STK3: variants seen among roughly 807,000 people sequenced by gnomAD.
The protein encoded by STK3 is serine/threonine kinase 3.
STK3 carries 41 observed loss-of-function variants against 58.0 expected under a neutral mutation model. The observed-to-expected ratio is 0.71, with a 90% confidence interval of 0.55 to 0.92. The LOEUF is 0.92. Ranked by LOEUF, STK3 falls within the 40% of genes least tolerant of loss-of-function variation. The pLI is 0.00. For synonymous variants in STK3, 170 were observed against 191.0 expected, an observed-to-expected ratio of 0.89 and a Z score of 0.91; for missense variants, 479 against 602.7, an observed-to-expected ratio of 0.79 and a Z score of 2.15.
chr8:98,544,380 T>C (rs1343518758), intron 9 of STK3, among the ~76,000 whole-genome samples: 2 of 152,188 alleles, frequency 1.3e-5, no homozygotes, highest in Non-Finnish European at 2.9e-5. Flanking sequence ...TTTAATAAGT[T>C]AATAATATAT....
chr8:98,350,876 A>G, the STK3 span, among the ~76,000 whole-genome samples: 1 of 152,234 alleles, frequency 6.6e-6, no homozygotes. Context: ...GGGTGGGTAC[A>G]CAGCACAACT....
chr8:98,404,756 T>C (rs1817977426), intron 3 of STK3, among the ~76,000 whole-genome samples: 1 of 149,576 alleles, frequency 6.7e-6, no homozygotes, highest in Non-Finnish European at 1.5e-5. Context: ...AAGGCTGAGG[T>C]GGCAGGATTG....
intron 8 of STK3, 116 bp from the exon 9 acceptor site, chr8:98,548,277 A>G (rs1315049951): frequency 9.6e-6 from 7 of 728,408 alleles, no homozygotes; most frequent in Non-Finnish European, 1.3e-5. Context: ...TACTATTAGT[A>G]CTGATTTTAA....
chr8:98,637,695 T>C (rs1347315674), intron 6 of STK3, among the ~76,000 whole-genome samples: 1 of 152,176 alleles, frequency 6.6e-6, no homozygotes, highest in East Asian at 1.9e-4. Flanking sequence ...GCACAATGTC[T>C]AAAAAAGTAT....
At chr8:98,487,320 T>C (rs553574202) in intron 10 of STK3, among the ~76,000 whole-genome samples, 7 of 152,346 alleles carry the variant, frequency 4.6e-5, no homozygotes, top group African/African-American at 1.4e-4. Context: ...TATGTTGTGT[T>C]ACTCATGCAA....
chr8:98,832,268 A>G (rs1835562860), intron 3 of STK3, among the ~76,000 whole-genome samples: 3 of 148,368 alleles, frequency 2.0e-5, no homozygotes, highest in Non-Finnish European at 4.5e-5. Context: ...ATATATATAT[A>G]TATAGATATC....
chr8:98,368,735 GTGATGGTGCCATCACATC>G (rs1352659689), downstream of STK3, among the ~76,000 whole-genome samples: 18 of 152,206 alleles, frequency 1.2e-4, no homozygotes, highest in African/African-American at 3.1e-4. Context: ...CAGATGAACT[GTGATGGTGCCATCACATC>G]TGATGGTGCC....
At chr8:98,549,005 A>G (rs1268194117) in intron 8 of STK3, among the ~76,000 whole-genome samples, 1 of 152,040 alleles carries the variant, frequency 6.6e-6, no homozygotes, top group East Asian at 1.9e-4. Context: ...TTCCCTATTT[A>G]TCTGTTGATG....
chr8:98,866,048 T>C (rs1005188017), intron 3 of STK3, among the ~76,000 whole-genome samples: 1 of 151,902 alleles, frequency 6.6e-6, no homozygotes, highest in African/African-American at 2.4e-5. Context: ...CTGTGGCTGC[T>C]GCTTTCTTCC....
At chr8:98,401,666 G>A (rs750877387) in intron 3 of STK3, among the ~76,000 whole-genome samples, 2 of 152,216 alleles carry the variant, frequency 1.3e-5, no homozygotes, top group Non-Finnish European at 2.9e-5. Flanking sequence ...AGTAGACCAC[G>A]TGGGAGATTT....
chr8:98,628,752 T>C (rs1435999278), intron 6 of STK3, among the ~76,000 whole-genome samples: 1 of 141,404 alleles, frequency 7.1e-6, no homozygotes, highest in Non-Finnish European at 1.5e-5. Flanking sequence ...CAGTGAGCTA[T>C]GATCACACCA....
intron 6 of STK3, among the ~76,000 whole-genome samples, chr8:98,614,500 G>A (rs190900550): frequency 2.4e-4 from 36 of 152,308 alleles, no homozygotes; most frequent in African/African-American, 8.4e-4. Context: ...AGCTCCCAGC[G>A]AGAGCGATGC....
At chr8:98,484,503 G>A (rs190774833) in intron 10 of STK3, among the ~76,000 whole-genome samples, 103 of 152,202 alleles carry the variant, frequency 6.8e-4, no homozygotes, top group Non-Finnish European at 7.6e-4. Context: ...TGAAGGGAGC[G>A]AAGAGTCCAC....
chr8:98,367,382 C>T (rs1355785095), downstream of STK3, among the ~76,000 whole-genome samples: 2 of 152,158 alleles, frequency 1.3e-5, no homozygotes, highest in African/African-American at 4.8e-5. Context: ...ATCTTTGGAT[C>T]GCTCCCCCTT....
intron 1 of STK3, among the ~76,000 whole-genome samples, chr8:98,940,893 G>A (rs1413286652): frequency 6.6e-6 from 1 of 152,260 alleles, no homozygotes; most frequent in African/African-American, 2.4e-5. Context: ...CAAAGGACCC[G>A]ACGGTGGGTG....
chr8:98,777,402 C>A (rs1188130404), intron 1 of STK3, among the ~76,000 whole-genome samples: 1 of 151,802 alleles, frequency 6.6e-6, no homozygotes, highest in East Asian at 2.0e-4. Flanking sequence ...ATGGCACATG[C>A]CTGTGGTCCC....
chr8:98,754,490 A>G lies in STK3; in HGVS notation c.237-5100T>C, dbSNP rs531493511. ...GAATAGACTGTATATCCTTCAGGGG[A>G]AAAAAAAAAAACTCTCTCTCTCTCT... On this transcript the variant is annotated intron_variant, in intron 3 of 10. Transcript: ENST00000419617. 9.2e-3 allele frequency among the ~76,000 whole-genome samples: 1,324 copies of G among 143,522 alleles called. 9 individuals are homozygous for G. Among genetic ancestry groups the G allele is most frequent in the African/African-American group, 0.032 (1,229 of 38,094 alleles). The allele number at this position is 143,522 out of a possible 152,430, so 94.2% of individuals were successfully genotyped here.
intron 8 of STK3, among the ~76,000 whole-genome samples, chr8:98,569,913 A>ATGTGTG (rs534903718): frequency 1.4e-3 from 213 of 147,372 alleles, no homozygotes; most frequent in African/African-American, 5.0e-3. Context: ...AAAAAAAAAT[A>ATGTGTG]TGTGTGTGTG....
chr8:98,527,546 G>A (rs1014793671), intron 9 of STK3, among the ~76,000 whole-genome samples: 8 of 152,070 alleles, frequency 5.3e-5, no homozygotes, highest in African/African-American at 1.4e-4. Context: ...CTTGAGCCTG[G>A]GAGGTCAAGG....
Sources: gnomAD v4.1 joint callset for allele counts (sites outside exome capture counted in the v4.1 genomes callset) on GRCh38, gnomAD v4.1.1 for gene constraint, MANE v1.5 for transcripts, NCBI Gene and HGNC (gene_info 2026-07-23, HGNC 2026-07-21) for gene names.